Variants in CATSPERE observed in about 807,000 individuals in gnomAD.
CATSPERE encodes the protein catsper channel auxiliary subunit epsilon, also known as cation channel sperm-associated auxiliary subunit epsilon.
A neutral mutation model predicts 114.1 loss-of-function variants in CATSPERE; 93 were observed. The observed-to-expected ratio is 0.81, with a 90% CI of 0.69 to 0.97. CATSPERE has a LOEUF of 0.97. Among genes scored for constraint, CATSPERE ranks in the 50% least tolerant of loss-of-function variants. The pLI, the probability that CATSPERE is intolerant of heterozygous loss-of-function variation, is 0.00. For missense variants in CATSPERE, 1,058 were observed against 1,131.6 expected, an observed-to-expected ratio of 0.93 and a Z score of 0.93; for synonymous variants, 341 against 384.1, an observed-to-expected ratio of 0.89 and a Z score of 1.31.
chr1:244,528,785 C>CCACACACACACACACA lies in CATSPERE; in HGVS notation c.536+10113_536+10128dup, dbSNP rs56746061. ...TACTCTCCCCCACAACAATCCCCCACCACACACACACACACACACACACAC... is the reference window on the plus strand; with the variant it reads ...TACTCTCCCCCACAACAATCCCCCACCACACACACACACACACACACACACACACACACACACACAC... On this transcript the variant is annotated intron_variant, in intron 8 of 21. Transcript: ENST00000366534. Among the ~76,000 whole-genome samples, 317 of 130,562 alleles carry CCACACACACACACACA rather than the reference C, an allele frequency of 2.4e-3. 3 individuals carry two copies. Among genetic ancestry groups the CCACACACACACACACA allele is most frequent in the South Asian group, 5.8e-3 (22 of 3,776 alleles). 85.7% of individuals were successfully genotyped at this position (130,562 alleles called of 152,430 possible). A position where few individuals can be genotyped will look rare whatever the true frequency, so the allele number is the denominator to read the frequency against.
chr1:244,452,513 A>G (rs1304444104), upstream of CATSPERE, among the ~76,000 whole-genome samples: 2 of 152,240 alleles, frequency 1.3e-5, no homozygotes, highest in Admixed American at 1.3e-4. Context: ...GTAAGGCAAT[A>G]AGATAAAGGA....
rs1423672601 is a variant in CATSPERE at position 244,570,435 on chromosome 1, TCTTTA to T, written c.1508-1891_1508-1887del. ...AATTTCTGCTTTTGTCATTATTGAT[TCTTTA>T]CTTCTGCTTTCTTTTTGTAACTTTA... is the stretch of plus-strand genomic sequence containing the variant. On this transcript the variant is annotated intron_variant, in intron 10 of 21. Coordinates refer to ENST00000366534, the MANE Select transcript of CATSPERE (RefSeq NM_001130957.2). Among the ~76,000 whole-genome samples, 21 of 152,338 alleles carry T rather than the reference TCTTTA, an allele frequency of 1.4e-4. No individual in the cohort carries two copies. In the East Asian group the frequency reaches 3.9e-3, roughly 28 times the overall value.
intron 7 of CATSPERE, among the ~76,000 whole-genome samples, chr1:244,505,572 G>A (rs1216421757): frequency 6.6e-6 from 1 of 152,064 alleles, no homozygotes; most frequent in Non-Finnish European, 1.5e-5. Context: ...TGCTTGCTTA[G>A]CTGTAATCTC....
chr1:244,596,694 G>GCAGCAAACCACCATGGCA (rs1668477246), intron 17 of CATSPERE, among the ~76,000 whole-genome samples: 1 of 151,462 alleles, frequency 6.6e-6, no homozygotes, highest in South Asian at 2.1e-4. Context: ...CTTGATAGGC[G>GCAGCAAACCACCATGGCA]CAGCAAACCA....
intron 12 of CATSPERE, among the ~76,000 whole-genome samples, chr1:244,582,910 G>T (rs1051188050): frequency 1.8e-4 from 25 of 142,486 alleles, no homozygotes; most frequent in African/African-American, 6.7e-4. Context: ...AACAGAATTT[G>T]ATATATATAT....
chr1:244,479,723 G>A lies in CATSPERE; in HGVS notation c.265G>A (p.Glu89Lys). The change falls in exon 5 of 22, where the codon GAA becomes AAA. Residue 89 changes from glutamate (E) to lysine (K), a missense_variant. Physicochemically the swap from Glu to Lys is moderately conservative, Grantham distance 56. Coordinates refer to ENST00000366534, the MANE Select transcript of CATSPERE (RefSeq NM_001130957.2). ...IKPIVTGPDE[E>K]ERYLFVESSH... ...CTTTTGCATTTTCTTTTAGGATGAA[G>A]AAGAACGCTATTTATTTGTGGAAAG... 6.3e-7 allele frequency: 1 copy of A among 1,595,550 alleles called. No homozygotes were observed. Among genetic ancestry groups the A allele is most frequent in the South Asian group, 1.1e-5 (1 of 89,040 alleles).
rs754737148 is a variant in CATSPERE, at chr1:244,461,450, C to A, written c.21C>A (p.Ala7=). MSAREV[A]VLLLWLSCYG... ...GCGCCATGTCAGCCCGGGAAGTGGC[C>A]GTGCTGCTGCTGTGGCTGAGCTGCT... Residue 7 remains alanine, a synonymous_variant, in exon 1 of 22, where the codon GCC becomes GCA. Coordinates refer to ENST00000366534, the MANE Select transcript of CATSPERE (RefSeq NM_001130957.2). 2 of 1,383,496 alleles carry A rather than the reference C, an allele frequency of 1.4e-6. No individual in the cohort carries two copies. The highest frequency in any genetic ancestry group is 1.9e-6 in the Non-Finnish European group (2 of 1,060,694). The allele number at this position is 1,383,496 out of a possible 1,614,324, so 85.7% of individuals were successfully genotyped here. A position where few individuals can be genotyped will look rare whatever the true frequency, so the allele number is the denominator to read the frequency against.
chr1:244,567,973 G>A (rs577930350), intron 10 of CATSPERE, among the ~76,000 whole-genome samples: 1 of 152,072 alleles, frequency 6.6e-6, no homozygotes, highest in Non-Finnish European at 1.5e-5. Context: ...TCATCTTTGT[G>A]GATTTATCTA....
At chr1:244,618,848 GA>G (rs1161737894) in intron 20 of CATSPERE, among the ~76,000 whole-genome samples, 23 of 152,278 alleles carry the variant, frequency 1.5e-4, no homozygotes, top group Admixed American at 1.4e-3. Context: ...CGTTAACAAG[GA>G]AAGAGGTCAA....
intron 17 of CATSPERE, among the ~76,000 whole-genome samples, chr1:244,604,604 A>G (rs1419093384): frequency 6.6e-6 from 1 of 152,234 alleles, no homozygotes; most frequent in Non-Finnish European, 1.5e-5. Context: ...ACAGTCCCAG[A>G]GCCAGCAGCC....
intron 20 of CATSPERE, among the ~76,000 whole-genome samples, chr1:244,622,032 A>G (rs1336147990): frequency 6.6e-6 from 1 of 152,234 alleles, no homozygotes; most frequent in East Asian, 1.9e-4. Flanking sequence ...GAAGTCTCAC[A>G]GTTTATCGCA....
intron 10 of CATSPERE, among the ~76,000 whole-genome samples, chr1:244,562,406 A>G (rs1360360596): frequency 6.6e-6 from 1 of 152,196 alleles, no homozygotes; most frequent in Non-Finnish European, 1.5e-5. Context: ...AAATATGCAT[A>G]TGTACACACA....
intron 2 of CATSPERE, among the ~76,000 whole-genome samples, chr1:244,473,807 TATAAC>T (rs1348474092): frequency 1.3e-5 from 2 of 152,182 alleles, no homozygotes; most frequent in African/African-American, 4.8e-5. Flanking sequence ...CATTTAATTA[TATAAC>T]ATATCTTTGG....
intron 9 of CATSPERE, among the ~76,000 whole-genome samples, chr1:244,559,165 G>A (rs1662161457): frequency 6.6e-6 from 1 of 152,164 alleles, no homozygotes; most frequent in African/African-American, 2.4e-5. Context: ...TTTATGACGT[G>A]TTCCTCTTCC....
intron 7 of CATSPERE, among the ~76,000 whole-genome samples, chr1:244,516,198 A>G (rs1038307728): frequency 1.7e-5 from 2 of 118,388 alleles, no homozygotes; most frequent in African/African-American, 9.3e-5. Context: ...CTCAAATAAT[A>G]ATAATAATAA....
At chr1:244,519,367 G>A (rs1677154519) in intron 8 of CATSPERE, among the ~76,000 whole-genome samples, 2 of 152,106 alleles carry the variant, frequency 1.3e-5, no homozygotes, top group South Asian at 4.1e-4. Context: ...TAGCCAAATG[G>A]GGGAGAATTC....
chr1:244,597,154 A>G (rs1668548563), intron 17 of CATSPERE, among the ~76,000 whole-genome samples: 1 of 152,128 alleles, frequency 6.6e-6, no homozygotes, highest in Non-Finnish European at 1.5e-5. Context: ...TCTTTCTCCC[A>G]CCAAAAACCA....
chr1:244,451,322 T>C (rs1255686918), upstream of CATSPERE, among the ~76,000 whole-genome samples: 3 of 152,072 alleles, frequency 2.0e-5, no homozygotes, highest in Admixed American at 2.0e-4. The surrounding 1 kb of genome is among the most constrained non-coding windows in gnomAD (Gnocchi z 6.6). Flanking sequence ...CCGGCCTCAG[T>C]CCCGGCGCTG....
intron 7 of CATSPERE, among the ~76,000 whole-genome samples, chr1:244,502,539 G>C (rs975367503): frequency 6.6e-6 from 1 of 152,114 alleles, no homozygotes; most frequent in African/African-American, 2.4e-5. Context: ...TCAGTTGCCA[G>C]TTAGCAGTTT....
Sources: gnomAD v4.1 joint callset for allele counts (sites outside exome capture counted in the v4.1 genomes callset) on GRCh38, gnomAD v4.1.1 for gene constraint, Gnocchi (gnomAD v3.1) non-coding constraint, MANE v1.5 for transcripts, NCBI Gene and HGNC (gene_info 2026-07-23, HGNC 2026-07-21) for gene names.